GPC5: variants seen among roughly 807,000 people sequenced by gnomAD.
GPC5 encodes the protein glypican 5.
A neutral mutation model predicts 53.9 loss-of-function variants in GPC5; 47 were observed. That is an observed-to-expected ratio of 0.87 (90% CI 0.69 to 1.11). The LOEUF (loss-of-function observed/expected upper bound fraction) is 1.11, where lower values mean the gene tolerates loss of function less well. GPC5 is among the 50% of genes most tolerant of loss of function. The probability of loss-of-function intolerance (pLI) is 0.00; values close to 1 mark genes in which losing one functional copy is unlikely to be tolerated. For missense variants in GPC5, 748 were observed against 713.1 expected, an observed-to-expected ratio of 1.05 and a Z score of -0.56; for synonymous variants, 286 against 263.3, an observed-to-expected ratio of 1.09 and a Z score of -0.84.
At chr13:92,522,955 C>T (rs967757664) in intron 7 of GPC5, among the ~76,000 whole-genome samples, 4 of 151,814 alleles carry the variant, frequency 2.6e-5, no homozygotes, top group Admixed American at 2.6e-4. Context: ...TTATGGAAAA[C>T]AATACAAATA....
intron 6 of GPC5, among the ~76,000 whole-genome samples, chr13:92,071,871 A>C (rs901853249): frequency 6.8e-6 from 1 of 146,934 alleles, no homozygotes; most frequent in Non-Finnish European, 1.5e-5. Context: ...AATATATATA[A>C]ATATTATATA....
intron 5 of GPC5, among the ~76,000 whole-genome samples, chr13:91,825,626 G>A (rs2038564921): frequency 1.3e-5 from 2 of 151,934 alleles, no homozygotes; most frequent in South Asian, 2.1e-4. Context: ...AAACTGGAAG[G>A]GATTTGATCC....
At chr13:91,798,163 A>C (rs535000965) in intron 5 of GPC5, among the ~76,000 whole-genome samples, 10 of 152,286 alleles carry the variant, frequency 6.6e-5, no homozygotes, top group South Asian at 4.1e-4. Flanking sequence ...CTCATTTAAA[A>C]ATTTCCAAAT....
chr13:91,814,207 C>A (rs1000823745), intron 5 of GPC5, among the ~76,000 whole-genome samples: 1 of 152,116 alleles, frequency 6.6e-6, no homozygotes, highest in Non-Finnish European at 1.5e-5. Flanking sequence ...GTTGGAATTA[C>A]AGGCATGAGC....
intron 6 of GPC5, among the ~76,000 whole-genome samples, chr13:92,097,332 A>C (rs1594761549): frequency 6.6e-6 from 1 of 152,298 alleles, no homozygotes; most frequent in East Asian, 1.9e-4. Flanking sequence ...TGAGAGAAGA[A>C]TTGTTAAACA....
intron 6 of GPC5, among the ~76,000 whole-genome samples, chr13:92,089,251 G>C (rs1286201522): frequency 6.6e-6 from 1 of 152,098 alleles, no homozygotes. Context: ...TGGCTAACAC[G>C]GTGAGACCCT....
chr13:92,682,692 C>T (rs1373321036), intron 7 of GPC5, among the ~76,000 whole-genome samples: 1 of 152,096 alleles, frequency 6.6e-6, no homozygotes, highest in Non-Finnish European at 1.5e-5. Context: ...AACAAAAGAT[C>T]TATAACAAGT....
At chr13:91,725,857 G>C (rs1341623700) in intron 3 of GPC5, among the ~76,000 whole-genome samples, 1 of 151,956 alleles carries the variant, frequency 6.6e-6, no homozygotes, top group Non-Finnish European at 1.5e-5. Flanking sequence ...AGAAAACTAA[G>C]ATACATAGAA....
At chr13:92,428,042 G>A (rs1876913947) in intron 7 of GPC5, among the ~76,000 whole-genome samples, 1 of 152,054 alleles carries the variant, frequency 6.6e-6, no homozygotes, top group Non-Finnish European at 1.5e-5. Flanking sequence ...ATTTTTGTCA[G>A]CAAAATGTTT....
At chr13:91,974,672 A>T (rs2040280296) in intron 6 of GPC5, among the ~76,000 whole-genome samples, 1 of 152,192 alleles carries the variant, frequency 6.6e-6, no homozygotes, top group Admixed American at 6.5e-5. Context: ...AAGAATCAAT[A>T]TGGTGAAAAT....
chr13:92,199,009 C>A (rs946008105), intron 7 of GPC5, among the ~76,000 whole-genome samples: 3 of 152,076 alleles, frequency 2.0e-5, no homozygotes, highest in Non-Finnish European at 4.4e-5. Context: ...TCAGAGGAAG[C>A]CAAAAAATAC....
At chr13:91,575,794 T>C (rs2032110407) in intron 2 of GPC5, among the ~76,000 whole-genome samples, 1 of 152,174 alleles carries the variant, frequency 6.6e-6, no homozygotes, top group African/African-American at 2.4e-5. Context: ...AAAGCGGCTA[T>C]TTTCTTTAGG....
intron 6 of GPC5, among the ~76,000 whole-genome samples, chr13:92,017,805 C>T (rs956734776): frequency 6.6e-5 from 10 of 151,146 alleles, no homozygotes; most frequent in African/African-American, 1.9e-4. Context: ...AGTACACACA[C>T]GCATGAGTAC....
chr13:92,808,915 C>T (rs757467670), intron 7 of GPC5, among the ~76,000 whole-genome samples: 2 of 152,044 alleles, frequency 1.3e-5, no homozygotes, highest in Non-Finnish European at 2.9e-5. Flanking sequence ...CACATTTTAC[C>T]TGCAGCCAGT....
chr13:91,488,244 A>G (rs2147191), intron 2 of GPC5, among the ~76,000 whole-genome samples: 68,736 of 151,960 alleles, frequency 0.45, 15,783 homozygotes, highest in East Asian at 0.59. Flanking sequence ...GGGGTAAGTT[A>G]AGAGGTTTGA....
rs150373732 is a variant in GPC5 at position 92,202,365 on chromosome 13, C to T, written c.1561+57376C>T. Reference sequence around the variant, plus strand: ...TTTGTTATTTTGATTAGTGTTTATACATTCAGACAGATTAGTGAGGCAATA... The same window carrying T: ...TTTGTTATTTTGATTAGTGTTTATATATTCAGACAGATTAGTGAGGCAATA... On this transcript the variant is annotated intron_variant, in intron 7 of 7. Coordinates refer to ENST00000377067, the MANE Select transcript of GPC5 (RefSeq NM_004466.6). 6.3e-3 allele frequency among the ~76,000 whole-genome samples: 959 copies of T among 152,252 alleles called. 16 individuals are homozygous for T. Among genetic ancestry groups the T allele is most frequent in the African/African-American group, 0.022 (921 of 41,548 alleles).
intron 2 of GPC5, among the ~76,000 whole-genome samples, chr13:91,606,870 C>A (rs9669946): frequency 4.3e-4 from 65 of 151,488 alleles, no homozygotes; most frequent in African/African-American, 1.6e-3. Context: ...GTCTTGCTAG[C>A]GGTCTATCAA....
At chr13:92,130,821 C>A (rs543753339) in intron 6 of GPC5, among the ~76,000 whole-genome samples, 1 of 150,956 alleles carries the variant, frequency 6.6e-6, no homozygotes, top group Non-Finnish European at 1.5e-5. Flanking sequence ...AGGTAGTCCA[C>A]AATAGTCTAG....
At chr13:92,856,477 G>C (rs1879003354) in intron 7 of GPC5, among the ~76,000 whole-genome samples, 1 of 151,868 alleles carries the variant, frequency 6.6e-6, no homozygotes, top group African/African-American at 2.4e-5. Context: ...ATGTAATATT[G>C]AAAGTGCCAC....
Sources: allele counts gnomAD v4.1 joint callset (sites outside exome capture counted in the v4.1 genomes callset), GRCh38; gene constraint gnomAD v4.1.1; transcripts MANE v1.5; gene names NCBI Gene and HGNC (gene_info 2026-07-23, HGNC 2026-07-21).